The following PHACTR3 variants were observed in gnomAD, a reference collection of about 807,000 sequenced individuals.
PHACTR3 encodes protein phosphatase 1, regulatory subunit 123.
In PHACTR3, 16 loss-of-function variants were observed where a neutral mutation model predicts 66.8. The ratio of observed to expected loss-of-function variants is 0.24; its 90% confidence interval spans 0.16 to 0.36. PHACTR3 has a LOEUF of 0.36. Ranked by LOEUF, PHACTR3 falls within the 10% of genes least tolerant of loss-of-function variation. PHACTR3 has a pLI of 1.00. For synonymous variants in PHACTR3, 323 were observed against 292.1 expected (o/e 1.11, Z -1.08); for missense variants, 647 against 719.9 (o/e 0.90, Z 1.16).
intron 1 of PHACTR3, among the ~76,000 whole-genome samples, chr20:59,619,688 A>G (rs1180152800): frequency 1.3e-5 from 2 of 152,182 alleles, no homozygotes; most frequent in Non-Finnish European, 1.5e-5. Flanking sequence ...TGTTATTTGA[A>G]GCCAGTAAGC....
At chr20:59,683,049 C>G (rs1480693404) in intron 1 of PHACTR3, among the ~76,000 whole-genome samples, 1 of 152,214 alleles carries the variant, frequency 6.6e-6, no homozygotes, top group African/African-American at 2.4e-5. Context: ...ATGATGCTAA[C>G]TGGCCACAGT....
At chr20:59,672,628 G>C (rs1245315588) in intron 1 of PHACTR3, among the ~76,000 whole-genome samples, 2 of 152,170 alleles carry the variant, frequency 1.3e-5, no homozygotes, top group Admixed American at 1.3e-4. Context: ...GTCTGCACTC[G>C]GCACATGGAA....
In PHACTR3 at chr20:59,678,186, T is replaced by C. The variant is rs984207661; in HGVS notation, c.119-64921T>C. On this transcript the variant is annotated intron_variant, in intron 1 of 12. Transcript: ENST00000371015. ...CTGTATGTTTTGGGTATTAACTCTT[T>C]GGTTGCCAAGCTGTTGAGCCCTGAG... 1.1e-4 allele frequency among the ~76,000 whole-genome samples: 17 copies of C among 152,300 alleles called. No homozygotes were observed. The East Asian group carries it at 1.3e-3, about 12-fold the overall frequency.
At chr20:59,691,681 T>C (rs1379932249) in intron 1 of PHACTR3, among the ~76,000 whole-genome samples, 2 of 152,232 alleles carry the variant, frequency 1.3e-5, no homozygotes, top group Non-Finnish European at 2.9e-5. Context: ...GTCTTTTAAA[T>C]ATCTGATAAC....
chr20:59,645,412 G>A (rs938987720), intron 1 of PHACTR3, among the ~76,000 whole-genome samples: 7 of 151,762 alleles, frequency 4.6e-5, no homozygotes, highest in African/African-American at 1.7e-4. Flanking sequence ...CTCTGCCCTG[G>A]CTCTTTCTCC....
intron 1 of PHACTR3, among the ~76,000 whole-genome samples, chr20:59,608,781 T>G (rs1335371263): frequency 6.6e-6 from 1 of 152,220 alleles, no homozygotes; most frequent in Non-Finnish European, 1.5e-5. Context: ...CTTCCAGTCC[T>G]TCAGACCTGT....
chr20:59,670,603 G>GGTT lies in PHACTR3; in HGVS notation c.118+65473_118+65474insTGT, dbSNP rs1312027573. 2.5e-3 allele frequency among the ~76,000 whole-genome samples: 332 copies of GGTT among 133,124 alleles called. 9 individuals are homozygous for GGTT. Among genetic ancestry groups the GGTT allele is most frequent in the African/African-American group, 9.2e-3 (318 of 34,678 alleles). The allele number at this position is 133,124 out of a possible 152,430, so 87.3% of individuals were successfully genotyped here. A position where few individuals can be genotyped will look rare whatever the true frequency, so the allele number is the denominator to read the frequency against. On this transcript the variant is annotated intron_variant, in intron 1 of 12. Transcript: ENST00000371015. ...TAAATGAGGACAGGCATCTGCCGGG[G>GGTT]GTGGGGGGGGGGGGCAGGCACTTTT... is the stretch of plus-strand genomic sequence containing the variant.
chr20:59,745,990 G>A (rs932795797), intron 2 of PHACTR3, among the ~76,000 whole-genome samples: 13 of 152,214 alleles, frequency 8.5e-5, no homozygotes, highest in Non-Finnish European at 1.8e-4. Flanking sequence ...CACAGAGCTC[G>A]AGGCCTCCAC....
chr20:59,742,415 A>G (rs1358123460), intron 1 of PHACTR3, among the ~76,000 whole-genome samples: 1 of 152,156 alleles, frequency 6.6e-6, no homozygotes, highest in African/African-American at 2.4e-5. Context: ...TGGCCGTTTC[A>G]TGGACAAGGA....
At chr20:59,704,236 G>A (rs944900767) in intron 1 of PHACTR3, among the ~76,000 whole-genome samples, 4 of 152,038 alleles carry the variant, frequency 2.6e-5, no homozygotes, top group African/African-American at 9.7e-5. Flanking sequence ...ATGCATTTTT[G>A]TTGTCTACAT....
At chr20:59,704,562 CTTTTTTT>C (rs11331156) in intron 1 of PHACTR3, among the ~76,000 whole-genome samples, 9 of 89,474 alleles carry the variant, frequency 1.0e-4, no homozygotes, top group Non-Finnish European at 1.5e-4. Context: ...TGAGAATAGT[CTTTTTTT>C]TTTTTTTTTT....
At chr20:59,777,013 C>G (rs2040562613) in intron 7 of PHACTR3, among the ~76,000 whole-genome samples, 1 of 152,186 alleles carries the variant, frequency 6.6e-6, no homozygotes, top group African/African-American at 2.4e-5. Context: ...TTCTGCAGTT[C>G]TAGAAGCTAG....
intron 1 of PHACTR3, among the ~76,000 whole-genome samples, chr20:59,724,648 C>G (rs2038491024): frequency 1.3e-5 from 2 of 152,150 alleles, no homozygotes; most frequent in African/African-American, 2.4e-5. Flanking sequence ...GCTGTGTGAT[C>G]CTGGGCCAGT....
intron 7 of PHACTR3, among the ~76,000 whole-genome samples, chr20:59,783,554 G>A (rs1264063074): frequency 1.3e-5 from 2 of 151,630 alleles, no homozygotes; most frequent in South Asian, 2.1e-4. Flanking sequence ...TGCTATTACC[G>A]CTTTTTTTGT....
chr20:59,731,885 AC>A (rs1568756942), intron 1 of PHACTR3, among the ~76,000 whole-genome samples: 1 of 152,184 alleles, frequency 6.6e-6, no homozygotes, highest in Admixed American at 6.5e-5. Flanking sequence ...TGGATAAAAG[AC>A]TTTTATAGTC....
chr20:59,586,239 C>A (rs934603679), intron 1 of PHACTR3, among the ~76,000 whole-genome samples: 22 of 152,326 alleles, frequency 1.4e-4, no homozygotes, highest in African/African-American at 5.1e-4. Flanking sequence ...TGCCACTCCC[C>A]CAGAGGGCAA....
intron 11 of PHACTR3, chr20:59,844,086 A>T (rs1022314618): frequency 2.0e-5 from 3 of 152,106 alleles, no homozygotes; most frequent in African/African-American, 4.8e-5. Context: ...CAACATCATT[A>T]ATCAACAGGG....
At chr20:59,737,885 T>C (rs1180542223) in intron 1 of PHACTR3, among the ~76,000 whole-genome samples, 2 of 151,998 alleles carry the variant, frequency 1.3e-5, no homozygotes, top group Admixed American at 6.6e-5. Context: ...AGGAGTGCAG[T>C]CTCCTCAGTG....
intron 1 of PHACTR3, among the ~76,000 whole-genome samples, chr20:59,714,945 A>G (rs1332991476): frequency 6.6e-6 from 1 of 152,168 alleles, no homozygotes; most frequent in African/African-American, 2.4e-5. Context: ...CATTTAAGTT[A>G]TCTCGTTTAA....
Sources: allele counts gnomAD v4.1 joint callset (sites outside exome capture counted in the v4.1 genomes callset), GRCh38; gene constraint gnomAD v4.1.1; transcripts MANE v1.5; gene names NCBI Gene and HGNC (gene_info 2026-07-23, HGNC 2026-07-21).